LAMA5: variants seen among roughly 807,000 people sequenced by gnomAD.
The protein encoded by LAMA5 is laminin subunit alpha-5.
LAMA5 carries 260 observed loss-of-function variants against 433.4 expected under a neutral mutation model. The observed-to-expected ratio is 0.60, with a 90% confidence interval of 0.54 to 0.66. LAMA5 has a LOEUF of 0.66. LAMA5 is among the 30% of genes least tolerant of loss of function. The pLI is 0.00. For missense variants in LAMA5, 5,378 were observed against 5,258.5 expected (o/e 1.02, Z -0.70); for synonymous variants, 2,620 against 2,226.6 (o/e 1.18, Z -4.97).
At chr20:62,345,564 A>T in intron 11 of LAMA5, 1 of 631,066 alleles carries the variant, frequency 1.6e-6, no homozygotes, top group South Asian at 1.6e-5. Context: ...ACATCACTAC[A>T]CCCAGCTAAT....
chr20:62,344,997 G>A (rs1983133993), intron 11 of LAMA5, among the ~76,000 whole-genome samples: 1 of 152,094 alleles, frequency 6.6e-6, no homozygotes, highest in Non-Finnish European at 1.5e-5. Flanking sequence ...GCAGAGCTGG[G>A]GGAATTGTGG....
chr20:62,320,479 T>G, intron 50 of LAMA5, 80 bp downstream of exon 50: 3 of 1,064,422 alleles, frequency 2.8e-6, no homozygotes, highest in East Asian at 2.6e-5. Flanking sequence ...TGAAGTAACA[T>G]CTGCTGAATG....
chr20:62,313,463 G>A lies in LAMA5; in HGVS notation c.8659-3C>T. 2 of 1,601,042 alleles carry A rather than the reference G, an allele frequency of 1.2e-6. No homozygotes were observed. Among genetic ancestry groups the A allele is most frequent in the East Asian group, 2.2e-5 (1 of 44,706 alleles). On this transcript the variant is annotated splice_polypyrimidine_tract_variant and splice_region_variant and intron_variant, in intron 63 of 79. Coordinates refer to ENST00000252999, the MANE Select transcript of LAMA5 (RefSeq NM_005560.6). ...GGGAAGCGAAGCAGGGGAGGGGGCT[G>A]TGGGCACAGGGCTGGGTCAGGGCAC...
intron 11 of LAMA5, chr20:62,345,456 G>C (rs1489732484): frequency 2.8e-6 from 1 of 362,274 alleles, no homozygotes; most frequent in Non-Finnish European, 5.3e-6. Flanking sequence ...GCCCAGGCTG[G>C]AGTGCTGTGG....
At chr20:62,317,171 G>C in intron 55 of LAMA5, 148 bp from the exon 56 acceptor site, 1 of 1,183,596 alleles carries the variant, frequency 8.4e-7, no homozygotes. Context: ...CGCCTGCTGG[G>C]TGTACTGCTC....
At chr20:62,327,486 A>G (rs1431996960) in intron 37 of LAMA5, 43 bp downstream of exon 37, 1 of 1,610,834 alleles carries the variant, frequency 6.2e-7, no homozygotes, top group Non-Finnish European at 8.5e-7. Context: ...GTCCCACCTA[A>G]GACCTCCCCG....
intron 28 of LAMA5, among the ~76,000 whole-genome samples, chr20:62,332,005 T>C (rs1183091859): frequency 1.3e-5 from 2 of 150,746 alleles, no homozygotes; most frequent in South Asian, 2.1e-4. Flanking sequence ...TGAGCCAAGA[T>C]CTTGCCATTG....
At chr20:62,335,328 C>T (rs1460525570) in intron 18 of LAMA5, 59 bp from the exon 19 acceptor site, 1 of 1,580,712 alleles carries the variant, frequency 6.3e-7, no homozygotes, top group Non-Finnish European at 8.6e-7. Context: ...TGGCTCCAGC[C>T]CCCCGAGGAA....
intron 2 of LAMA5, among the ~76,000 whole-genome samples, chr20:62,355,102 G>A (rs1464702449): frequency 2.6e-5 from 4 of 152,180 alleles, no homozygotes; most frequent in African/African-American, 7.2e-5. Context: ...CTTTGTGGGC[G>A]GCAGTGGGGA....
rs781745683 is a variant in LAMA5 at position 62,328,392 on chromosome 20, G to A, written c.4501C>T (p.Pro1501Ser). 4.5e-6 allele frequency: 7 copies of A among 1,556,746 alleles called. No individual in the cohort carries two copies. The highest frequency in any genetic ancestry group is 6.1e-6 in the Non-Finnish European group (7 of 1,149,972). Residue 1501 changes from proline (P) to serine (S), a missense_variant, in exon 35 of 80, where the codon CCG becomes TCG. Physicochemically the swap from Pro to Ser is moderately conservative, Grantham distance 74 (BLOSUM62 -1). Transcript: ENST00000252999. ...CDELTGQCIC[P>S]PRTIPPDCLL... ...CAGTCGGGCGGGATGGTGCGTGGCG[G>A]GCAGATGCACTGGCCCGTGAGCTCG...
At chr20:62,345,359 G>A (rs866086108) in intron 11 of LAMA5, 2 of 151,086 alleles carry the variant, frequency 1.3e-5, no homozygotes. Context: ...AAGTTTTAGG[G>A]TACATGTGCA....
At position 62,351,736 on chromosome 20, in the gene LAMA5, G is replaced by A. The variant is rs753428842; in HGVS notation, c.924C>T (p.Ala308=). 1 of 1,612,110 alleles carries A rather than the reference G, an allele frequency of 6.2e-7. No homozygotes were observed. Among genetic ancestry groups the A allele is most frequent in the Non-Finnish European group, 8.5e-7 (1 of 1,179,872 alleles). The change falls in exon 6 of 80, where the codon GCC becomes GCT. Residue 308 remains alanine, a synonymous_variant. Transcript: ENST00000252999. The part of the protein sequence containing the change: ...GRCVCHGHAD[A]CDAKDPTDPF... ...GGTCCGTGGGGTCTTTGGCATCGCA[G>A]GCATCCGCGTGGCCGTGGCAGACAC...
intron 46 of LAMA5, 47 bp downstream of exon 46, chr20:62,322,611 A>G: frequency 6.9e-7 from 1 of 1,454,094 alleles, no homozygotes; most frequent in Non-Finnish European, 9.3e-7. Context: ...CCCCAACTCT[A>G]GTCCCTAGGC....
chr20:62,317,760 A>G lies in LAMA5; in HGVS notation c.7258T>C (p.Ser2420Pro). The G allele has an allele frequency of 6.2e-7, 1 of 1,603,042 alleles. No individual in the cohort carries two copies. The highest frequency in any genetic ancestry group is 8.5e-7 in the Non-Finnish European group (1 of 1,175,788). Residue 2420 changes from serine to proline, a missense_variant, in exon 54 of 80, where the codon TCC (serine) becomes CCC (proline). Physicochemically the swap from Ser to Pro is moderately conservative, Grantham distance 74. Transcript: ENST00000252999. ...EEALQRKQEL[S>P]RDNATLQATL... The stretch of plus-strand genomic sequence containing the variant: ...GCCTGCAGGGTGGCATTGTCCCGGG[A>G]CAGCTCCTGCTTCCTTTGCTGAAGG...
Position 62,347,132 on chromosome 20 carries a change from T to G in LAMA5, c.957-104A>C, listed in dbSNP as rs962182057. The G allele has an allele frequency of 3.5e-5, 29 of 834,044 alleles. No homozygotes were observed. In the South Asian group the frequency reaches 4.2e-4, roughly 12 times the overall value. 51.7% of individuals were successfully genotyped at this position (834,044 alleles called of 1,614,324 possible). On this transcript the variant is annotated intron_variant, in intron 6 of 79. Transcript: ENST00000252999. ...CTGTGATCCCCTCGATGGCTTGGCT[T>G]GCCACATGGACACGGCCCCCCGCTG...
intron 11 of LAMA5, among the ~76,000 whole-genome samples, chr20:62,340,766 G>A (rs1982470571): frequency 6.6e-6 from 1 of 151,856 alleles, no homozygotes; most frequent in Admixed American, 6.6e-5. Flanking sequence ...CAGGCGCAGT[G>A]GCTCATGCCT....
At chr20:62,340,531 G>A (rs927784391) in intron 11 of LAMA5, among the ~76,000 whole-genome samples, 6 of 150,774 alleles carry the variant, frequency 4.0e-5, no homozygotes, top group African/African-American at 9.7e-5. Flanking sequence ...GGCTCGTCTC[G>A]AACTCCCGAC....
At position 62,310,836 on chromosome 20, in the gene LAMA5, G is replaced by A. The variant is rs756519344; in HGVS notation, c.10282-7C>T. The A allele has an allele frequency of 1.5e-5, 23 of 1,573,146 alleles. No individual in the cohort carries two copies. The East Asian group carries it at 4.3e-4, about 30-fold the overall frequency. ...TCTCCCAGCGCACGGAGACCTGGGG[G>A]CAGGAGATGGGTCAGGGTAGGGCTG... is the stretch of plus-strand genomic sequence containing the variant. On this transcript the variant is annotated splice_region_variant and splice_polypyrimidine_tract_variant and intron_variant, in intron 74 of 79. Coordinates refer to ENST00000252999, the MANE Select transcript of LAMA5 (RefSeq NM_005560.6).
Position 62,359,130 on chromosome 20 carries a change from C to T in LAMA5, c.450+3270G>A, listed in dbSNP as rs1333005917. Among the ~76,000 whole-genome samples, 4 of 152,202 alleles carry T rather than the reference C, an allele frequency of 2.6e-5. No homozygotes were observed. Among genetic ancestry groups the T allele is most frequent in the African/African-American group, 9.7e-5 (4 of 41,450 alleles). ...CCCACCTGTAGCACCTGCAGCGTGG[C>T]CTGCTCTACAGAGAACAAAGCAGGG... On this transcript the variant is annotated intron_variant, in intron 2 of 79. Transcript: ENST00000252999. This position sits in a 1 kb window ranked among gnomAD's most constrained non-coding sequence, Gnocchi z 4.3.
Sources: gnomAD v4.1 joint callset for allele counts (sites outside exome capture counted in the v4.1 genomes callset) on GRCh38, gnomAD v4.1.1 for gene constraint, Gnocchi (gnomAD v3.1) non-coding constraint, MANE v1.5 for transcripts, NCBI Gene and HGNC (gene_info 2026-07-23, HGNC 2026-07-21) for gene names.